Variants in CES1 observed in about 807,000 individuals in gnomAD.
CES1 encodes the protein carboxylesterase 1, also known as liver carboxylesterase 1.
In CES1, 50 loss-of-function variants were observed where a neutral mutation model predicts 53.0. That is an observed-to-expected ratio of 0.94 (90% CI 0.75 to 1.19). The LOEUF (loss-of-function observed/expected upper bound fraction) is 1.19, where lower values mean the gene tolerates loss of function less well. CES1 is among the 50% of genes most tolerant of loss of function. The probability of loss-of-function intolerance (pLI) is 0.00; values close to 1 mark genes in which losing one functional copy is unlikely to be tolerated. For missense variants in CES1, 534 were observed against 538.0 expected (o/e 0.99, Z 0.07); for synonymous variants, 202 against 210.1 (o/e 0.96, Z 0.33).
chr16:55,808,990 G>C (rs1243527386), intron 11 of CES1, among the ~76,000 whole-genome samples: 12 of 146,838 alleles, frequency 8.2e-5, no homozygotes, highest in African/African-American at 3.0e-4. Flanking sequence ...ATTTTTGAAA[G>C]TTTCTATAAT....
chr16:55,819,883 C>T (rs1484353175), intron 6 of CES1: 2 of 613,688 alleles, frequency 3.3e-6, no homozygotes, highest in African/African-American at 1.8e-5. Flanking sequence ...TTGAAATGGA[C>T]ATAATCATCT....
At chr16:55,827,949 T>C (rs2032482187) in intron 2 of CES1, 1 of 152,264 alleles carries the variant, frequency 6.6e-6, no homozygotes, top group Non-Finnish European at 1.5e-5. Context: ...GATCTTAATT[T>C]TCTTACTTTC....
At chr16:55,831,977 C>G (rs2032699727) in intron 1 of CES1, among the ~76,000 whole-genome samples, 1 of 138,242 alleles carries the variant, frequency 7.2e-6, no homozygotes, top group South Asian at 2.4e-4. Flanking sequence ...GCATCTGAGG[C>G]CTTGTTGACC....
chr16:55,817,356 C>A (rs1329273496), intron 7 of CES1, among the ~76,000 whole-genome samples: 2 of 152,176 alleles, frequency 1.3e-5, no homozygotes, highest in African/African-American at 4.8e-5. Flanking sequence ...TCATCTGGAC[C>A]CAGCCATGCC....
At chr16:55,813,718 T>C (rs1567494592) in intron 8 of CES1, among the ~76,000 whole-genome samples, 2 of 152,014 alleles carry the variant, frequency 1.3e-5, no homozygotes, top group African/African-American at 4.8e-5. Flanking sequence ...ACAGGCACCT[T>C]CCCCGTAAGG....
At position 55,811,020 on chromosome 16, in the gene CES1, A is replaced by C. The variant is rs766343244; in HGVS notation, c.1087-10T>G. ...GATAGCTCATCAACTGCTAAAAAAAAAAAAAAGTTCAGCATTTATGAATCA... is the reference window on the plus strand; with the variant it reads ...GATAGCTCATCAACTGCTAAAAAAACAAAAAAGTTCAGCATTTATGAATCA... On this transcript the variant is annotated splice_polypyrimidine_tract_variant and intron_variant, in intron 9 of 13. Transcript: ENST00000360526. 7.5e-6 allele frequency: 12 copies of C among 1,606,538 alleles called. No homozygotes were observed. The highest frequency in any genetic ancestry group is 5.1e-6 in the Non-Finnish European group (6 of 1,173,774).
At chr16:55,832,630 C>A (rs1186536172) in intron 1 of CES1, among the ~76,000 whole-genome samples, 3 of 152,238 alleles carry the variant, frequency 2.0e-5, no homozygotes, top group Admixed American at 6.5e-5. Flanking sequence ...AACCCACGCA[C>A]TCTGGCTCCA....
chr16:55,821,277 G>A (rs1358543360), intron 5 of CES1, 91 bp downstream of exon 5: 50 of 1,493,694 alleles, frequency 3.3e-5, no homozygotes, highest in Non-Finnish European at 4.7e-5. Context: ...ATTGTAATCA[G>A]AGGTATCCAT....
intron 3 of CES1, among the ~76,000 whole-genome samples, 159 bp downstream of exon 3, chr16:55,825,992 G>T (rs1431327712): frequency 1.3e-5 from 2 of 152,232 alleles, no homozygotes; most frequent in African/African-American, 4.8e-5. Context: ...AAACTGATGT[G>T]TGGAAAACCA....
chr16:55,816,033 T>C (rs543069339), intron 8 of CES1, among the ~76,000 whole-genome samples: 68 of 152,148 alleles, frequency 4.5e-4, no homozygotes, highest in African/African-American at 1.5e-3. Context: ...AATAGGCTTC[T>C]CCAGGTTTCC....
Position 55,821,541 on chromosome 16 carries a change from T to C in CES1, c.540-20A>G, listed in dbSNP as rs746322643. The C allele has an allele frequency of 2.5e-6, 4 of 1,613,820 alleles. No individual in the cohort carries two copies. The highest frequency in any genetic ancestry group is 3.4e-6 in the Non-Finnish European group (4 of 1,179,954). On this transcript the variant is annotated intron_variant, in intron 4 of 13. Transcript: ENST00000360526. ...CCTGTGCTGTGAGGAAGAGAACAGGTTGAGGGTGGGGAGCAGAGATGTCAT... is the reference window on the plus strand; with the variant it reads ...CCTGTGCTGTGAGGAAGAGAACAGGCTGAGGGTGGGGAGCAGAGATGTCAT...
Position 55,810,418 on chromosome 16 carries a change from C to G in CES1, c.1318+99G>C, listed in dbSNP as rs1303133920. Reference sequence around the variant, plus strand: ...ATGGAATCAGCCTTTGAGGCCTGACCCTCAGCTGTTTCCATGTCTGTCTAT... The same window carrying G: ...ATGGAATCAGCCTTTGAGGCCTGACGCTCAGCTGTTTCCATGTCTGTCTAT... On this transcript the variant is annotated intron_variant, in intron 11 of 13. Coordinates refer to ENST00000360526, the MANE Select transcript of CES1 (RefSeq NM_001025195.2). 2.0e-6 allele frequency: 3 copies of G among 1,506,352 alleles called. No homozygotes were observed. The African/African-American group carries it at 4.2e-5, about 21-fold the overall frequency. 93.3% of individuals were successfully genotyped at this position (1,506,352 alleles called of 1,614,324 possible). A position where few individuals can be genotyped will look rare whatever the true frequency, so the allele number is the denominator to read the frequency against.
intron 8 of CES1, among the ~76,000 whole-genome samples, chr16:55,814,878 A>T (rs556946565): frequency 6.6e-6 from 1 of 152,372 alleles, no homozygotes; most frequent in Admixed American, 6.5e-5. Context: ...AATATGGCTG[A>T]CAATGAAGAA....
At chr16:55,816,780 A>C (rs745603927) in intron 8 of CES1, 144 bp downstream of exon 8, 2 of 1,007,114 alleles carry the variant, frequency 2.0e-6, no homozygotes, top group Non-Finnish European at 3.2e-6. Context: ...TACCCAGGTG[A>C]GTCACTACCC....
intron 11 of CES1, among the ~76,000 whole-genome samples, chr16:55,808,584 A>T (rs1348916455): frequency 6.6e-6 from 1 of 152,196 alleles, no homozygotes; most frequent in African/African-American, 2.4e-5. Flanking sequence ...CAAAGTTCTA[A>T]AACATTTGCA....
intron 1 of CES1, among the ~76,000 whole-genome samples, chr16:55,831,453 G>A (rs1235049092): frequency 1.3e-5 from 2 of 151,300 alleles, no homozygotes; most frequent in African/African-American, 4.9e-5. Flanking sequence ...GTGAGAACAA[G>A]ACCAGTTGCT....
chr16:55,822,107 G>A (rs2032224224), intron 4 of CES1, among the ~76,000 whole-genome samples: 2 of 152,258 alleles, frequency 1.3e-5, no homozygotes, highest in Non-Finnish European at 2.9e-5. Context: ...GAAAGAAAGT[G>A]TGAGTCAGGA....
intron 3 of CES1, among the ~76,000 whole-genome samples, chr16:55,823,891 C>T (rs2032314924): frequency 6.6e-6 from 1 of 152,264 alleles, no homozygotes; most frequent in Admixed American, 6.5e-5. Context: ...ACTGCACATA[C>T]CCTGGCTGTC....
intron 5 of CES1, 76 bp from the exon 6 acceptor site, chr16:55,820,555 A>T: frequency 1.2e-6 from 2 of 1,610,452 alleles, no homozygotes; most frequent in African/African-American, 1.3e-5. Flanking sequence ...TCCAGGCTAG[A>T]TCTACTCCAC....
Sources: allele counts gnomAD v4.1 joint callset (sites outside exome capture counted in the v4.1 genomes callset), GRCh38; gene constraint gnomAD v4.1.1; transcripts MANE v1.5; gene names NCBI Gene and HGNC (gene_info 2026-07-23, HGNC 2026-07-21).